The following DIP2A variants were observed in gnomAD, a reference collection of about 807,000 sequenced individuals.
DIP2A encodes DIP2 acetate--CoA ligase A, also known as disco-interacting protein 2 homolog A.
DIP2A carries 85 observed loss-of-function variants against 177.4 expected under a neutral mutation model. The ratio of observed to expected loss-of-function variants is 0.48; its 90% CI spans 0.40 to 0.57. DIP2A has a LOEUF of 0.57. DIP2A is among the 20% of genes least tolerant of loss of function. DIP2A has a pLI of 0.00. For synonymous variants in DIP2A, 886 were observed against 881.8 expected (o/e 1.00, Z -0.08); for missense variants, 1,791 against 2,100.2 (o/e 0.85, Z 2.88).
At chr21:46,461,270 C>CAAAAAAAAAAAAA in intron 1 of DIP2A, among the ~76,000 whole-genome samples, 1 of 8,738 alleles carries the variant, frequency 1.1e-4, no homozygotes, top group Non-Finnish European at 2.5e-4. Flanking sequence ...TCTCTTCTCA[C>CAAAAAAAAAAAAA]CAAAAAAAAA....
Position 46,569,889 on chromosome 21 carries a change from T to C in DIP2A, c.*2267T>C, listed in dbSNP as rs995894893. ...TCTACCTCTGAGTAAACAGCAGCAT[T>C]CGTATGTAACATAAACCCTCTCAGG... On this transcript the variant is annotated 3_prime_UTR_variant, in exon 38 of 38. Transcript: ENST00000417564. The C allele has an allele frequency of 3.3e-5, 5 of 152,270 alleles. No homozygotes were observed. The highest frequency in any genetic ancestry group is 5.9e-5 in the Non-Finnish European group (4 of 68,038). The allele number at this position is 152,270 out of a possible 1,614,324, so 9.4% of individuals were successfully genotyped here. A position where few individuals can be genotyped will look rare whatever the true frequency, so the allele number is the denominator to read the frequency against.
chr21:46,504,211 T>C, intron 5 of DIP2A, 150 bp from the exon 6 acceptor site: 1 of 1,097,122 alleles, frequency 9.1e-7, no homozygotes, highest in South Asian at 1.4e-5. Context: ...ATGCCTTTGG[T>C]CAGCCAAGAA....
chr21:46,505,880 A>G (rs1326740472), intron 6 of DIP2A, among the ~76,000 whole-genome samples: 1 of 152,188 alleles, frequency 6.6e-6, no homozygotes, highest in African/African-American at 2.4e-5. Flanking sequence ...TTTGAGATTC[A>G]TTCATGTTCT....
At position 46,567,412 on chromosome 21, in the gene DIP2A, G is replaced by C; in HGVS notation, c.4506G>C (p.Glu1502Asp). The change falls in exon 38 of 38, where the codon GAG becomes GAC. Residue 1502 changes from glutamate to aspartate, a missense_variant. By Grantham distance (45) the Glu-to-Asp change is conservative (BLOSUM62 2). Transcript: ENST00000417564. ...TWTNLLVVVV[E>D]LDGLEQDALD... ...CCAACCTGCTGGTGGTGGTGGTGGA[G>C]CTGGATGGGCTAGAGCAGGATGCCC... 1 of 1,613,952 alleles carries C rather than the reference G, an allele frequency of 6.2e-7. No homozygotes were observed. The highest frequency in any genetic ancestry group is 8.5e-7 in the Non-Finnish European group (1 of 1,179,872).
At chr21:46,533,737 G>A (rs1025906771) in intron 11 of DIP2A, 90 bp downstream of exon 11, 4 of 1,556,574 alleles carry the variant, frequency 2.6e-6, no homozygotes, top group Admixed American at 3.8e-5. Context: ...TGACAGAGGT[G>A]TCTGGGTCTT....
In DIP2A at chr21:46,459,251, C is replaced by A. The variant is rs1352670270; in HGVS notation, c.91+29C>A. 4 of 1,500,222 alleles carry A rather than the reference C, an allele frequency of 2.7e-6. No homozygotes were observed. The Admixed American group carries it at 8.5e-5, about 32-fold the overall frequency. The allele number at this position is 1,500,222 out of a possible 1,614,324, so 92.9% of individuals were successfully genotyped here. On this transcript the variant is annotated intron_variant, in intron 1 of 37. Coordinates refer to ENST00000417564, the MANE Select transcript of DIP2A (RefSeq NM_015151.4). ...AGCCGGACCCCGCCCTCAACCCCCGCGACCCGCCCTCAGCCCGGTCCCCCG... is the reference window on the plus strand; with the variant it reads ...AGCCGGACCCCGCCCTCAACCCCCGAGACCCGCCCTCAGCCCGGTCCCCCG...
In DIP2A at chr21:46,523,227, CTTATTTAT is replaced by C. The variant is rs536264437; in HGVS notation, c.1103-5850_1103-5843del. ...GATGTGAGCCACCAATGCCTAGCTTCTTATTTATTTATTTATTTATTTTTTGAGATGGA... is the reference window on the plus strand; with the variant it reads ...GATGTGAGCCACCAATGCCTAGCTTCTTATTTATTTATTTTTTGAGATGGA... On this transcript the variant is annotated intron_variant, in intron 8 of 37. Coordinates refer to ENST00000417564, the MANE Select transcript of DIP2A (RefSeq NM_015151.4). 2.7e-5 allele frequency among the ~76,000 whole-genome samples: 4 copies of C among 149,000 alleles called. No homozygotes were observed. In the South Asian group the frequency reaches 6.4e-4, roughly 24 times the overall value.
chr21:46,514,641 G>GTTTTTTTTTTTTTTTT (rs1569013985), intron 8 of DIP2A, among the ~76,000 whole-genome samples: 2 of 59,528 alleles, frequency 3.4e-5, no homozygotes, highest in African/African-American at 7.9e-5. Context: ...TTTTTTTTTT[G>GTTTTTTTTTTTTTTTT]GTTTTTTTTT....
intron 21 of DIP2A, 117 bp downstream of exon 21, chr21:46,547,159 T>G: frequency 6.8e-7 from 1 of 1,468,934 alleles, no homozygotes; most frequent in East Asian, 2.4e-5. Context: ...TAAAAATTGT[T>G]GTACATCAGA....
chr21:46,557,760 G>A lies in DIP2A; in HGVS notation c.3798+7G>A, dbSNP rs1350936035. The A allele has an allele frequency of 2.5e-6, 4 of 1,599,338 alleles. No individual in the cohort carries two copies. In the Admixed American group the frequency reaches 6.7e-5, roughly 27 times the overall value. ...ACAGACGGGTGTCCTCAGGGTGAGT[G>A]CCCAGACCCGGGCTTCTGAGTGTGC... is the stretch of plus-strand genomic sequence containing the variant. On this transcript the variant is annotated splice_region_variant and intron_variant, in intron 31 of 37. Coordinates refer to ENST00000417564, the MANE Select transcript of DIP2A (RefSeq NM_015151.4). The surrounding 1 kb of genome is among the most constrained non-coding windows in gnomAD (Gnocchi z 6.0).
In DIP2A at chr21:46,554,175, G is replaced by A. The variant is rs900873586; in HGVS notation, c.3037G>A (p.Val1013Ile). ...LFLLLNAKGT[V>I]TSTATCVQLH... is the part of the protein sequence containing the mutation. ...TCAAAGATCGCTTTCCTAGGGCACC[G>A]TCACAAGCACTGCAACCTGTGTCCA... Residue 1013 changes from valine to isoleucine, a missense_variant, in exon 26 of 38, where the codon GTC becomes ATC. Physicochemically the swap from Val to Ile is conservative, Grantham distance 29 (BLOSUM62 3). Coordinates refer to ENST00000417564, the MANE Select transcript of DIP2A (RefSeq NM_015151.4). 7 of 1,605,402 alleles carry A rather than the reference G, an allele frequency of 4.4e-6. No homozygotes were observed. Among genetic ancestry groups the A allele is most frequent in the South Asian group, 2.2e-5 (2 of 90,952 alleles).
chr21:46,552,800 C>T (rs891835825), intron 25 of DIP2A: 2 of 152,198 alleles, frequency 1.3e-5, no homozygotes, highest in Non-Finnish European at 2.9e-5. Context: ...CATCTAGAAC[C>T]ATGCCCAGTA....
intron 6 of DIP2A, among the ~76,000 whole-genome samples, chr21:46,505,412 T>G (rs759051127): frequency 6.6e-6 from 1 of 151,976 alleles, no homozygotes. Context: ...ATCGAGACCA[T>G]CCTGGCTAAC....
intron 1 of DIP2A, among the ~76,000 whole-genome samples, chr21:46,466,732 C>T (rs2054867317): frequency 6.6e-6 from 1 of 151,902 alleles, no homozygotes. Flanking sequence ...GAAAAGGCTG[C>T]TGAGACACCC....
chr21:46,510,084 A>G (rs2058233062), intron 7 of DIP2A, among the ~76,000 whole-genome samples: 1 of 152,230 alleles, frequency 6.6e-6, no homozygotes, highest in Admixed American at 6.5e-5. Context: ...TCATTAAGGC[A>G]TATTGACTCA....
intron 8 of DIP2A, among the ~76,000 whole-genome samples, chr21:46,516,646 C>T (rs950446778): frequency 1.3e-5 from 2 of 151,806 alleles, no homozygotes; most frequent in African/African-American, 4.8e-5. Flanking sequence ...GCGCCTGCCA[C>T]CGCACCCAGC....
At chr21:46,474,160 C>G (rs1343708537) in intron 1 of DIP2A, among the ~76,000 whole-genome samples, 1 of 152,084 alleles carries the variant, frequency 6.6e-6, no homozygotes, top group African/African-American at 2.4e-5. Flanking sequence ...AAAGGAGGGT[C>G]TAGGGTGACT....
chr21:46,470,944 AAAAG>A (rs1408723348), intron 1 of DIP2A, among the ~76,000 whole-genome samples: 16 of 152,076 alleles, frequency 1.1e-4, no homozygotes, highest in East Asian at 1.9e-4. Context: ...AAAAAAAAAA[AAAAG>A]AATTCATATT....
chr21:46,527,325 G>GTTTTTTTTTTT (rs58453285), intron 8 of DIP2A, among the ~76,000 whole-genome samples: 4 of 105,586 alleles, frequency 3.8e-5, no homozygotes, highest in East Asian at 2.9e-4. Flanking sequence ...TTGAGTTGAG[G>GTTTTTTTTTTT]TTTTTTTTTT....
Sources: allele counts gnomAD v4.1 joint callset (sites outside exome capture counted in the v4.1 genomes callset), GRCh38; gene constraint gnomAD v4.1.1; non-coding constraint Gnocchi (gnomAD v3.1); transcripts MANE v1.5; gene names NCBI Gene and HGNC (gene_info 2026-07-23, HGNC 2026-07-21).